The following DCC variants were observed in gnomAD, a reference collection of about 807,000 sequenced individuals.
DCC encodes DCC netrin 1 receptor, also known as netrin receptor DCC.
In DCC, 58 loss-of-function variants were observed where a neutral mutation model predicts 172.5. That is an observed-to-expected ratio of 0.34 (90% CI 0.27 to 0.42). DCC has a LOEUF of 0.42. Ranked by LOEUF, DCC falls within the 10% of genes least tolerant of loss-of-function variation. DCC has a pLI of 1.00. For synonymous variants in DCC, 709 were observed against 644.5 expected (o/e 1.10, Z -1.52); for missense variants, 1,740 against 1,791.0 (o/e 0.97, Z 0.51).
At chr18:53,280,077 T>C (rs1435734162) in intron 12 of DCC, among the ~76,000 whole-genome samples, 2 of 152,208 alleles carry the variant, frequency 1.3e-5, no homozygotes, top group Non-Finnish European at 2.9e-5. Flanking sequence ...AATGTACCCA[T>C]GAACCTAAAA....
intron 7 of DCC, among the ~76,000 whole-genome samples, chr18:53,108,107 G>T (rs1200596035): frequency 6.6e-6 from 1 of 151,586 alleles, no homozygotes. Flanking sequence ...TTGTGTGTTT[G>T]CTTTCTTTTA....
intron 7 of DCC, among the ~76,000 whole-genome samples, chr18:53,087,370 T>C (rs1280568556): frequency 6.6e-6 from 1 of 151,868 alleles, no homozygotes; most frequent in Admixed American, 6.6e-5. Flanking sequence ...GAGCACCTTT[T>C]CATGTGTTTT....
rs115700584 is a variant in DCC, at chr18:52,373,631, C to T, written c.91+32753C>T. Among the ~76,000 whole-genome samples the T allele has an allele frequency of 1.7e-3, 264 of 152,230 alleles. 1 individual carries two copies. The highest frequency in any genetic ancestry group is 6.0e-3 in the African/African-American group (251 of 41,522). On this transcript the variant is annotated intron_variant, in intron 1 of 28. Coordinates refer to ENST00000442544, the MANE Select transcript of DCC (RefSeq NM_005215.4). ...CCTTTGGAGTTGATAACAGCCATTA[C>T]ATGTGAAGGTTAGAGCTCTCTCTCT...
At chr18:52,859,147 A>T (rs1110616) in intron 2 of DCC, among the ~76,000 whole-genome samples, 34,163 of 152,044 alleles carry the variant, frequency 0.22, 4,673 homozygotes, top group Admixed American at 0.32. Flanking sequence ...AAAAAAATTA[A>T]AATTATAATT....
intron 17 of DCC, among the ~76,000 whole-genome samples, chr18:53,395,751 T>C (rs111908889): frequency 3.9e-5 from 6 of 152,178 alleles, no homozygotes; most frequent in Non-Finnish European, 7.3e-5. Context: ...CAAGCAATTC[T>C]CCTGTCTCAG....
intron 12 of DCC, among the ~76,000 whole-genome samples, chr18:53,255,745 G>A (rs1056635698): frequency 6.6e-6 from 1 of 152,090 alleles, no homozygotes; most frequent in Non-Finnish European, 1.5e-5. Context: ...GGATGGCTGA[G>A]TCAAATGGTA....
chr18:52,784,185 T>C (rs1430388907), intron 2 of DCC, among the ~76,000 whole-genome samples: 2 of 152,034 alleles, frequency 1.3e-5, no homozygotes, highest in African/African-American at 4.8e-5. Context: ...GCAATATCTG[T>C]TTCTGTGCCT....
intron 2 of DCC, among the ~76,000 whole-genome samples, chr18:52,844,908 A>G (rs1021668199): frequency 6.6e-6 from 1 of 152,218 alleles, no homozygotes; most frequent in Non-Finnish European, 1.5e-5. Context: ...TTTGTGCTTT[A>G]TAGTCAGTAT....
intron 1 of DCC, among the ~76,000 whole-genome samples, chr18:52,433,876 C>CA: frequency 6.6e-6 from 1 of 152,204 alleles, no homozygotes; most frequent in South Asian, 2.1e-4. Flanking sequence ...TGCAGAGACT[C>CA]AAGTGTTGTC....
chr18:52,954,793 T>C (rs1318337401), intron 5 of DCC, among the ~76,000 whole-genome samples: 1 of 152,194 alleles, frequency 6.6e-6, no homozygotes, highest in Non-Finnish European at 1.5e-5. Context: ...GTAAATTCAT[T>C]ATAGAGAGGA....
chr18:53,423,118 T>C (rs1910726539), intron 21 of DCC, among the ~76,000 whole-genome samples: 1 of 152,204 alleles, frequency 6.6e-6, no homozygotes, highest in Non-Finnish European at 1.5e-5. Context: ...ACGTACTCAG[T>C]ACTCATAGGA....
chr18:53,504,910 G>GT (rs957012912), intron 27 of DCC, among the ~76,000 whole-genome samples: 4 of 152,028 alleles, frequency 2.6e-5, no homozygotes, highest in Non-Finnish European at 5.9e-5. Context: ...TTGGAGAAAT[G>GT]TTTTTTTGTT....
chr18:52,798,538 G>A (rs1306902950), intron 2 of DCC, among the ~76,000 whole-genome samples: 2 of 151,286 alleles, frequency 1.3e-5, no homozygotes, highest in Non-Finnish European at 2.9e-5. Flanking sequence ...AATTAGAGGT[G>A]TTTTTCTTTG....
intron 1 of DCC, among the ~76,000 whole-genome samples, chr18:52,363,045 T>C (rs1274965832): frequency 1.3e-5 from 2 of 152,144 alleles, no homozygotes; most frequent in African/African-American, 4.8e-5. Context: ...ATTACAGGCA[T>C]GTGCCAACAC....
intron 1 of DCC, among the ~76,000 whole-genome samples, chr18:52,660,711 C>T (rs948524129): frequency 2.6e-5 from 4 of 152,176 alleles, no homozygotes; most frequent in African/African-American, 9.7e-5. Context: ...GGTAAAAGTT[C>T]TCTCCTTTTA....
intron 12 of DCC, among the ~76,000 whole-genome samples, chr18:53,239,128 G>A (rs1025285033): frequency 1.1e-4 from 16 of 151,012 alleles, no homozygotes; most frequent in African/African-American, 3.9e-4. Context: ...CACCAACATG[G>A]CACGTGTATA....
chr18:52,861,833 C>T (rs897795704), intron 2 of DCC, among the ~76,000 whole-genome samples: 21 of 152,110 alleles, frequency 1.4e-4, no homozygotes, highest in Admixed American at 8.5e-4. Flanking sequence ...AGCCTGTATT[C>T]AAGAGTATTT....
At chr18:53,243,187 G>A (rs1041581877) in intron 12 of DCC, among the ~76,000 whole-genome samples, 3 of 152,106 alleles carry the variant, frequency 2.0e-5, no homozygotes, top group African/African-American at 7.2e-5. Context: ...GAGCTATCAA[G>A]GAGTCGGGTC....
At chr18:53,238,838 G>A (rs1598935858) in intron 12 of DCC, among the ~76,000 whole-genome samples, 1 of 152,196 alleles carries the variant, frequency 6.6e-6, no homozygotes, top group African/African-American at 2.4e-5. Context: ...AGAGCAATCA[G>A]ACAGCTAATA....
Sources: gnomAD v4.1 joint callset for allele counts (sites outside exome capture counted in the v4.1 genomes callset) on GRCh38, gnomAD v4.1.1 for gene constraint, MANE v1.5 for transcripts, NCBI Gene and HGNC (gene_info 2026-07-23, HGNC 2026-07-21) for gene names.